The following OCA2 variants were observed in gnomAD, a reference collection of about 807,000 sequenced individuals.
OCA2 encodes the protein OCA2 melanosomal transmembrane protein.
OCA2 carries 77 observed loss-of-function variants against 100.2 expected under a neutral mutation model. The ratio of observed to expected loss-of-function variants is 0.77; its 90% CI spans 0.64 to 0.93. The LOEUF (loss-of-function observed/expected upper bound fraction) is 0.93. Ranked by LOEUF, OCA2 falls within the 40% of genes least tolerant of loss-of-function variation. OCA2 has a pLI of 0.00. For missense variants in OCA2, 1,062 were observed against 1,089.1 expected, an observed-to-expected ratio of 0.98 and a Z score of 0.35; for synonymous variants, 432 against 439.2, an observed-to-expected ratio of 0.98 and a Z score of 0.21.
At chr15:28,086,346 G>A (rs1481235495) in intron 1 of OCA2, among the ~76,000 whole-genome samples, 1 of 152,226 alleles carries the variant, frequency 6.6e-6, no homozygotes, top group Non-Finnish European at 1.5e-5. Flanking sequence ...CAGCCAGGGT[G>A]ATATCAGCAG....
At chr15:28,062,369 T>C (rs1363753777) in intron 2 of OCA2, among the ~76,000 whole-genome samples, 5 of 152,248 alleles carry the variant, frequency 3.3e-5, no homozygotes, top group African/African-American at 4.8e-5. Context: ...ATATCTTCTT[T>C]GGAGAAATGC....
At chr15:27,812,068 A>G (rs2034101753) in intron 23 of OCA2, among the ~76,000 whole-genome samples, 1 of 152,230 alleles carries the variant, frequency 6.6e-6, no homozygotes, top group Non-Finnish European at 1.5e-5. Flanking sequence ...AACGTCCACA[A>G]AAAAGTGGAG....
chr15:27,995,814 T>A (rs928009358), intron 9 of OCA2, among the ~76,000 whole-genome samples: 7 of 120,704 alleles, frequency 5.8e-5, no homozygotes, highest in Admixed American at 2.3e-4. Context: ...TAAGCAACAC[T>A]TTTTTTTTTT....
At chr15:27,739,325 G>A in the OCA2 span, among the ~76,000 whole-genome samples, 1 of 152,028 alleles carries the variant, frequency 6.6e-6, no homozygotes, top group Non-Finnish European at 1.5e-5. Flanking sequence ...TCTTTATAAG[G>A]GATAGCAGTG....
chr15:28,020,502 C>T (rs1452474932), intron 6 of OCA2, among the ~76,000 whole-genome samples: 4 of 152,130 alleles, frequency 2.6e-5, no homozygotes, highest in African/African-American at 9.7e-5. Context: ...TCCCCTTCCC[C>T]CTGCGGGAAA....
chr15:28,006,499 A>G (rs1285147524), intron 9 of OCA2, among the ~76,000 whole-genome samples: 4 of 152,256 alleles, frequency 2.6e-5, no homozygotes, highest in Non-Finnish European at 4.4e-5. Flanking sequence ...TGTGAGTAGC[A>G]TGGCCCAGTG....
chr15:28,013,157 G>GA (rs1404880781), intron 9 of OCA2, among the ~76,000 whole-genome samples: 1 of 152,158 alleles, frequency 6.6e-6, no homozygotes, highest in African/African-American at 2.4e-5. Flanking sequence ...GCACACCTGT[G>GA]AAGCACAGGT....
chr15:27,819,015 A>C (rs1331241063), intron 23 of OCA2, among the ~76,000 whole-genome samples: 1 of 152,196 alleles, frequency 6.6e-6, no homozygotes, highest in African/African-American at 2.4e-5. Context: ...TCTTGTCAGC[A>C]TCCATGACAC....
rs1259082592 is a variant in OCA2 at position 28,081,575 on chromosome 15, G to C, written c.227+73C>G. The C allele has an allele frequency of 2.2e-5, 31 of 1,433,596 alleles. No individual in the cohort carries two copies. The Admixed American group carries it at 2.8e-4, about 13-fold the overall frequency. 88.8% of individuals were successfully genotyped at this position (1,433,596 alleles called of 1,614,324 possible). The stretch of plus-strand genomic sequence containing the variant: ...TGGAAATTTTTCCCACAACAAACGT[G>C]GGGGAACGATGCTCATGGAAACCCA... On this transcript the variant is annotated intron_variant, in intron 2 of 23. Transcript: ENST00000354638.
rs972334 is a variant in OCA2 at position 28,031,914 on chromosome 15, G to A, written c.326+151C>T. 13,418 of 715,798 alleles carry A rather than the reference G, an allele frequency of 0.019. 1,214 individuals are homozygous for A. In the African/African-American group the frequency reaches 0.2, roughly 11 times the overall value. 44.3% of individuals were successfully genotyped at this position (715,798 alleles called of 1,614,324 possible). ...TTAATATCCACAGAATATAACCACCGGAATCATGAACATCTACTACAATAA... is the reference window on the plus strand; with the variant it reads ...TTAATATCCACAGAATATAACCACCAGAATCATGAACATCTACTACAATAA... On this transcript the variant is annotated intron_variant, in intron 3 of 23. Coordinates refer to ENST00000354638, the MANE Select transcript of OCA2 (RefSeq NM_000275.3).
At chr15:27,894,292 C>T (rs1418386584) in intron 19 of OCA2, among the ~76,000 whole-genome samples, 1 of 152,242 alleles carries the variant, frequency 6.6e-6, no homozygotes, top group Non-Finnish European at 1.5e-5. Context: ...CTGGAGCCCC[C>T]AGTGACTTTG....
rs1049083140 is a variant in OCA2 at position 27,921,317 on chromosome 15, G to GA, written c.2079+4809dup. 6.7e-5 allele frequency among the ~76,000 whole-genome samples: 10 copies of GA among 149,744 alleles called. No homozygotes were observed. In the East Asian group the frequency reaches 7.8e-4, roughly 12 times the overall value. Reference sequence around the variant, plus strand: ...GAATGACAGATTTGGACTGGTGAAAGAAAAAAAAACTATCAGGGATTCTAT... The same window carrying GA: ...GAATGACAGATTTGGACTGGTGAAAGAAAAAAAAAACTATCAGGGATTCTAT... On this transcript the variant is annotated intron_variant, in intron 19 of 23. Coordinates refer to ENST00000354638, the MANE Select transcript of OCA2 (RefSeq NM_000275.3).
At chr15:27,943,452 T>C (rs2039719962) in intron 18 of OCA2, among the ~76,000 whole-genome samples, 1 of 152,128 alleles carries the variant, frequency 6.6e-6, no homozygotes, top group Non-Finnish European at 1.5e-5. Flanking sequence ...CCTTGCAAAG[T>C]TGTCTTTTGT....
the OCA2 span, among the ~76,000 whole-genome samples, chr15:27,719,468 G>A: frequency 6.6e-6 from 1 of 152,136 alleles, no homozygotes; most frequent in African/African-American, 2.4e-5. Flanking sequence ...CGAACTTGCG[G>A]GGGGGACCAC....
At chr15:28,026,476 C>T (rs917717468) in intron 4 of OCA2, among the ~76,000 whole-genome samples, 1 of 152,200 alleles carries the variant, frequency 6.6e-6, no homozygotes, top group Non-Finnish European at 1.5e-5. Context: ...ATGTTTATTG[C>T]ACCCACGAGG....
the OCA2 span, among the ~76,000 whole-genome samples, chr15:27,730,740 TATATATATATATATATATATATATATA>T: frequency 0.034 from 670 of 19,608 alleles, 18 homozygotes; most frequent in African/African-American, 0.11. Flanking sequence ...CAAATATATA[TATATATATATATATATATATATATATA>T]TATATATATA....
intron 19 of OCA2, among the ~76,000 whole-genome samples, chr15:27,898,656 T>C (rs2151634944): frequency 6.6e-6 from 1 of 152,302 alleles, no homozygotes; most frequent in African/African-American, 2.4e-5. Flanking sequence ...ATGGATCATA[T>C]GGTAGGTAAA....
intron 13 of OCA2, 148 bp from the exon 14 acceptor site, chr15:27,983,631 A>G (rs910797945): frequency 1.4e-5 from 12 of 844,414 alleles, no homozygotes; most frequent in East Asian, 5.2e-5. Flanking sequence ...GCTGGGGGGA[A>G]TGAACAACTG....
At chr15:27,958,673 TA>T (rs1413685824) in intron 15 of OCA2, among the ~76,000 whole-genome samples, 1 of 152,230 alleles carries the variant, frequency 6.6e-6, no homozygotes, top group Non-Finnish European at 1.5e-5. Flanking sequence ...GATATTCAAA[TA>T]TTTCATGAAA....
Sources: gnomAD v4.1 joint callset for allele counts (sites outside exome capture counted in the v4.1 genomes callset) on GRCh38, gnomAD v4.1.1 for gene constraint, MANE v1.5 for transcripts, NCBI Gene and HGNC (gene_info 2026-07-23, HGNC 2026-07-21) for gene names.